NRXN2: variants seen among roughly 807,000 people sequenced by gnomAD.
The protein encoded by NRXN2 is neurexin 2, also known as neurexin-2-beta.
Under a neutral mutation model 128.8 loss-of-function variants are expected in NRXN2, and 29 were observed. The observed-to-expected ratio is 0.23, with a 90% CI of 0.17 to 0.31. NRXN2 has a LOEUF of 0.31. Ranked by LOEUF, NRXN2 falls within the 10% of genes least tolerant of loss-of-function variation. The pLI is 1.00. For synonymous variants in NRXN2, 1,098 were observed against 1,075.2 expected (o/e 1.02, Z -0.41); for missense variants, 1,881 against 2,452.6 (o/e 0.77, Z 4.92).
intron 2 of NRXN2, among the ~76,000 whole-genome samples, chr11:64,703,337 A>C (rs1014529170): frequency 6.6e-6 from 1 of 151,888 alleles, no homozygotes; most frequent in Non-Finnish European, 1.5e-5. Context: ...CTTTACGCCC[A>C]TTGTTCCTTT....
In NRXN2 at chr11:64,618,472, C is replaced by T. The variant is rs562539983; in HGVS notation, c.4252+1822G>A. Among the ~76,000 whole-genome samples, 5 of 152,308 alleles carry T rather than the reference C, an allele frequency of 3.3e-5. No homozygotes were observed. In the South Asian group the frequency reaches 1.0e-3, roughly 32 times the overall value. On this transcript the variant is annotated intron_variant, in intron 22 of 22. Transcript: ENST00000265459. ...TTCAGGACCCTCAAAGACCGTTGTC[C>T]CCAGAGCCCCGTCCCAGAGCTTTTA...
chr11:64,719,855 GGTGTGTGCGC>G (rs1247104233), intron 1 of NRXN2, among the ~76,000 whole-genome samples: 2 of 152,310 alleles, frequency 1.3e-5, no homozygotes, highest in African/African-American at 2.4e-5. Flanking sequence ...ATCTATGACA[GGTGTGTGCGC>G]GTGTGTGTGC....
At chr11:64,720,774 G>A (rs2057414288) in intron 1 of NRXN2, among the ~76,000 whole-genome samples, 1 of 152,148 alleles carries the variant, frequency 6.6e-6, no homozygotes, top group Non-Finnish European at 1.5e-5. Flanking sequence ...GAGCTTGCTG[G>A]GGGGCAGGGA....
Position 64,623,211 on chromosome 11 carries a change from G to C in NRXN2, c.3848-133C>G. On this transcript the variant is annotated intron_variant, in intron 20 of 22. Transcript: ENST00000265459. The surrounding 1 kb of genome is among the most constrained non-coding windows in gnomAD (Gnocchi z 4.9). ...GAAAGCCAGTAAGGGAGGAGGGGACGGGGAGAAATGAGGAAGGGGCAGAAA... is the reference window on the plus strand; with the variant it reads ...GAAAGCCAGTAAGGGAGGAGGGGACCGGGAGAAATGAGGAAGGGGCAGAAA... 21 of 1,374,964 alleles carry C rather than the reference G, an allele frequency of 1.5e-5. No homozygotes were observed. In the South Asian group the frequency reaches 2.8e-4, roughly 18 times the overall value. 85.2% of individuals were successfully genotyped at this position (1,374,964 alleles called of 1,614,324 possible).
intron 2 of NRXN2, 181 bp downstream of exon 2, chr11:64,712,789 C>T (rs1192956934): frequency 5.6e-6 from 4 of 714,342 alleles, no homozygotes; most frequent in Non-Finnish European, 1.0e-5. Context: ...CGCCCACCGC[C>T]AACCCCACGC....
Position 64,606,831 on chromosome 11 carries a change from T to G in NRXN2, c.*365A>C. 2 of 220,076 alleles carry G rather than the reference T, an allele frequency of 9.1e-6. No homozygotes were observed. Among genetic ancestry groups the G allele is most frequent in the Admixed American group, 5.1e-5 (1 of 19,418 alleles). The allele number at this position is 220,076 out of a possible 1,614,324, so 13.6% of individuals were successfully genotyped here. ...GAAGAAGAAGAAAAATTGAGGAAAA[T>G]TAACAGGACGAGCAGTGGACACTTT... is the stretch of plus-strand genomic sequence containing the variant. On this transcript the variant is annotated 3_prime_UTR_variant, in exon 23 of 23. Transcript: ENST00000265459.
chr11:64,638,420 G>A (rs2045128441), intron 17 of NRXN2, among the ~76,000 whole-genome samples: 1 of 152,178 alleles, frequency 6.6e-6, no homozygotes, highest in Admixed American at 6.5e-5. Flanking sequence ...AGAAGGCTGG[G>A]GTTCGGGAGA....
At chr11:64,609,050 G>C (rs564173682) in intron 22 of NRXN2, among the ~76,000 whole-genome samples, 1 of 152,174 alleles carries the variant, frequency 6.6e-6, no homozygotes, top group South Asian at 2.1e-4. Flanking sequence ...AGGAAGAGTG[G>C]GCAGGGAGGA....
At chr11:64,637,313 C>A (rs1429478487) in intron 17 of NRXN2, 1 of 152,308 alleles carries the variant, frequency 6.6e-6, no homozygotes, top group Admixed American at 6.5e-5. Flanking sequence ...GTGGTGAGCA[C>A]TGAACCCTCA....
Position 64,660,187 on chromosome 11 carries a change from T to A in NRXN2, c.2389+145A>T. ...CCAGGGACAGAGCTCTCAGGGTCTCTGACCCAGGCTGGCGCCTCCCCACCT... is the reference window on the plus strand; with the variant it reads ...CCAGGGACAGAGCTCTCAGGGTCTCAGACCCAGGCTGGCGCCTCCCCACCT... On this transcript the variant is annotated intron_variant, in intron 11 of 22. Transcript: ENST00000265459. The surrounding 1 kb of genome is among the most constrained non-coding windows in gnomAD (Gnocchi z 5.2). 1.2e-6 allele frequency: 1 copy of A among 841,182 alleles called. No individual in the cohort carries two copies. Among genetic ancestry groups the A allele is most frequent in the Non-Finnish European group, 2.0e-6 (1 of 506,352 alleles). 52.1% of individuals were successfully genotyped at this position (841,182 alleles called of 1,614,324 possible). A position where few individuals can be genotyped will look rare whatever the true frequency, so the allele number is the denominator to read the frequency against.
intron 2 of NRXN2, among the ~76,000 whole-genome samples, chr11:64,703,187 G>A (rs922677119): frequency 1.2e-4 from 19 of 152,118 alleles, no homozygotes; most frequent in African/African-American, 4.3e-4. Context: ...ATCCAAAAGT[G>A]AGGACAATGC....
intron 4 of NRXN2, among the ~76,000 whole-genome samples, chr11:64,690,833 T>G (rs561646876): frequency 7.9e-5 from 12 of 152,110 alleles, no homozygotes; most frequent in African/African-American, 2.9e-4. Context: ...AGTTCCCCCT[T>G]TCAACTGCTC....
Position 64,651,533 on chromosome 11 carries a change from C to A in NRXN2, c.2640G>T (p.Gly880=). The change falls in exon 14 of 23, where the codon GGG becomes GGT. Residue 880 remains glycine (G), a synonymous_variant. Transcript: ENST00000265459. This position sits in a 1 kb window ranked among gnomAD's most constrained non-coding sequence, Gnocchi z 5.9. ...FISVVPSNFI[G]HLSGLVFNGQ... ...CATTGAACACGAGCCCACTCAGATG[C>A]CCGATGAAGTTGGAGGGCACCACGG... 1 of 1,614,192 alleles carries A rather than the reference C, an allele frequency of 6.2e-7. No individual in the cohort carries two copies. The highest frequency in any genetic ancestry group is 8.5e-7 in the Non-Finnish European group (1 of 1,180,030).
intron 22 of NRXN2, among the ~76,000 whole-genome samples, chr11:64,616,055 G>A (rs150784753): frequency 1.9e-4 from 29 of 152,258 alleles, no homozygotes; most frequent in African/African-American, 6.7e-4. Flanking sequence ...GCTTCTATAG[G>A]GGCGGGCTTG....
chr11:64,654,403 T>C (rs1254639463), intron 11 of NRXN2, among the ~76,000 whole-genome samples: 1 of 152,294 alleles, frequency 6.6e-6, no homozygotes, highest in East Asian at 1.9e-4. Context: ...TAACCTGCTT[T>C]CCTAGTCAGA....
rs755124234 is a variant in NRXN2 at position 64,661,098 on chromosome 11, T to C, written c.1840A>G (p.Thr614Ala). The C allele has an allele frequency of 5.0e-6, 8 of 1,613,552 alleles. No homozygotes were observed. Among genetic ancestry groups the C allele is most frequent in the South Asian group, 2.2e-5 (2 of 91,076 alleles). Reference protein sequence around the residue: ...VNSRSTPFLATGDSEILDLES... With the variant: ...VNSRSTPFLAAGDSEILDLES... ...AGGTCCAGAATCTCGCTGTCTCCAGTGGCCAAGAACGGCGTGCTGCGACTA... is the reference window on the plus strand; with the variant it reads ...AGGTCCAGAATCTCGCTGTCTCCAGCGGCCAAGAACGGCGTGCTGCGACTA... Residue 614 changes from threonine (T) to alanine (A), a missense_variant, in exon 10 of 23, where the codon ACT becomes GCT. Around this residue, in one of 7 missense-constraint regions of NRXN2, gnomAD observed 997 missense variants for 1,240.8 expected, o/e 0.80. Coordinates refer to ENST00000265459, the MANE Select transcript of NRXN2 (RefSeq NM_015080.4).
chr11:64,608,194 G>A, intron 22 of NRXN2, 112 bp from the exon 23 acceptor site: 1 of 855,380 alleles, frequency 1.2e-6, no homozygotes, highest in Non-Finnish European at 1.9e-6. Context: ...GTTCCAATTG[G>A]CTTTGGCGGA....
At chr11:64,710,336 C>T (rs2056772481) in intron 2 of NRXN2, among the ~76,000 whole-genome samples, 2 of 152,136 alleles carry the variant, frequency 1.3e-5, no homozygotes, top group Non-Finnish European at 2.9e-5. Context: ...TCATCTGATA[C>T]CAAGCCATAT....
intron 6 of NRXN2, among the ~76,000 whole-genome samples, chr11:64,681,176 G>C (rs2135552202): frequency 6.7e-6 from 1 of 150,132 alleles, no homozygotes; most frequent in South Asian, 2.1e-4. Context: ...ACAAGAAGTA[G>C]TTCAGTGCTC....
Sources: gnomAD v4.1 joint callset for allele counts (sites outside exome capture counted in the v4.1 genomes callset) on GRCh38, gnomAD v4.1.1 for gene constraint, gnomAD v4.1.1 regional missense constraint, Gnocchi (gnomAD v3.1) non-coding constraint, MANE v1.5 for transcripts, NCBI Gene and HGNC (gene_info 2026-07-23, HGNC 2026-07-21) for gene names.